Variants in NLRP13 observed in about 807,000 individuals in gnomAD.
NLRP13 encodes NLR family pyrin domain containing 13.
In NLRP13, 82 loss-of-function variants were observed where a neutral mutation model predicts 94.4. The observed-to-expected ratio is 0.87, with a 90% CI of 0.73 to 1.04. NLRP13 has a LOEUF of 1.04. NLRP13 is among the 50% of genes least tolerant of loss of function. The pLI is 0.00. For missense variants in NLRP13, 1,426 were observed against 1,230.8 expected (o/e 1.16, Z -2.37); for synonymous variants, 553 against 464.7 (o/e 1.19, Z -2.45).
At chr19:55,905,822 G>A (rs779530762) in intron 7 of NLRP13, among the ~76,000 whole-genome samples, 1 of 152,094 alleles carries the variant, frequency 6.6e-6, no homozygotes, top group African/African-American at 2.4e-5. Context: ...TACACCATCA[G>A]GACAACCAAA....
chr19:55,921,837 A>C (rs160104), intron 4 of NLRP13, among the ~76,000 whole-genome samples: 109,012 of 152,080 alleles, frequency 0.72, 39,525 homozygotes, highest in African/African-American at 0.81. Flanking sequence ...GAAATACTGG[A>C]AGCCACCAGA....
chr19:55,906,565 G>A (rs181150254), intron 7 of NLRP13, among the ~76,000 whole-genome samples: 2 of 152,130 alleles, frequency 1.3e-5, no homozygotes, highest in Admixed American at 1.3e-4. Context: ...TTGGTAGCGT[G>A]GAGGACTCCC....
At chr19:55,918,738 A>G (rs977165243) in intron 4 of NLRP13, among the ~76,000 whole-genome samples, 1 of 152,098 alleles carries the variant, frequency 6.6e-6, no homozygotes, top group African/African-American at 2.4e-5. Context: ...TAAAAAATTA[A>G]TAACAAAAAA....
intron 9 of NLRP13, among the ~76,000 whole-genome samples, chr19:55,901,747 G>A (rs1986182214): frequency 6.6e-6 from 1 of 152,126 alleles, no homozygotes; most frequent in African/African-American, 2.4e-5. Flanking sequence ...TCTGCCTTGT[G>A]TCCTTTCACC....
At chr19:55,930,912 A>G (rs1254506288) in intron 1 of NLRP13, among the ~76,000 whole-genome samples, 1 of 127,266 alleles carries the variant, frequency 7.9e-6, no homozygotes, top group Non-Finnish European at 1.7e-5. Flanking sequence ...TTTTAACCAG[A>G]AGCTTAAACA....
Position 55,923,987 on chromosome 19 carries a change from A to C in NLRP13, c.458-8T>G. On this transcript the variant is annotated splice_polypyrimidine_tract_variant and splice_region_variant and intron_variant, in intron 3 of 10. Transcript: ENST00000342929. ...CCTGGGCCTGTACATTCCCTGAAAT[A>C]AACAGTGATGATGAGATATGAAAAT... The C allele has an allele frequency of 6.2e-7, 1 of 1,611,498 alleles. No homozygotes were observed. The highest frequency in any genetic ancestry group is 8.5e-7 in the Non-Finnish European group (1 of 1,177,710).
chr19:55,930,901 A>ATTTTTT (rs55976723), intron 1 of NLRP13, among the ~76,000 whole-genome samples: 1,709 of 98,266 alleles, frequency 0.017, 107 homozygotes, highest in African/African-American at 0.084. Flanking sequence ...TATATATAAA[A>ATTTTTT]TTTTAACCAG....
At chr19:55,913,831 C>CA (rs1278932167) in intron 4 of NLRP13, among the ~76,000 whole-genome samples, 1 of 151,948 alleles carries the variant, frequency 6.6e-6, no homozygotes, top group East Asian at 1.9e-4. Flanking sequence ...TGAGTGTGCC[C>CA]ACTCCATTGC....
In NLRP13 at chr19:55,911,753, C is replaced by G. The variant is rs760913216; in HGVS notation, c.2064G>C (p.Arg688Ser). The change falls in exon 5 of 11, where the codon AGG becomes AGC. Residue 688 changes from arginine to serine, a missense_variant. Physicochemically the swap from Arg to Ser is moderately radical, Grantham distance 110. Transcript: ENST00000342929. ...CAAGGATGTGACTGCTAACAGAAAG[C>G]CTTAGCTTATTTAACCTTTTACAGT... ...LKHCKRLNKL[R>S]LSVSSHILER... 1.7e-5 allele frequency: 28 copies of G among 1,613,350 alleles called. No homozygotes were observed. The South Asian group carries it at 2.1e-4, about 12-fold the overall frequency.
chr19:55,910,589 AT>A lies in NLRP13; in HGVS notation c.2255del (p.Asn752IlefsTer9). 1 of 1,606,740 alleles carries A rather than the reference AT, an allele frequency of 6.2e-7. No individual in the cohort carries two copies. Among genetic ancestry groups the A allele is most frequent in the Non-Finnish European group, 8.5e-7 (1 of 1,174,714 alleles). On this transcript the variant is annotated frameshift_variant, in exon 6 of 11. Coordinates refer to ENST00000342929, the MANE Select transcript of NLRP13 (RefSeq NM_176810.2). LOFTEE classifies it high-confidence loss of function. ...SVKGLCLALKNPRCKVQKLTC... is the reference protein window; with the variant it reads ...SVKGLCLALKXPRCKVQKLTC... ...TCAGTTTCTGGACTTTGCATCTTGG[AT>A]TTTTCAGTGCAAGACAGAGACCCTT...
chr19:55,931,541 T>C lies in NLRP13; in HGVS notation c.319+452A>G, dbSNP rs1315232006. Among the ~76,000 whole-genome samples, 4 of 151,308 alleles carry C rather than the reference T, an allele frequency of 2.6e-5. No homozygotes were observed. The South Asian group carries it at 8.4e-4, about 32-fold the overall frequency. Reference sequence around the variant, plus strand: ...GGCTAACACAGTGAAACCCCGTCTCTACTAAAAATACAAAAAAATTAGCCG... The same window carrying C: ...GGCTAACACAGTGAAACCCCGTCTCCACTAAAAATACAAAAAAATTAGCCG... On this transcript the variant is annotated intron_variant, in intron 1 of 10. Transcript: ENST00000342929.
rs576218512 is a variant in NLRP13, at chr19:55,925,389, C to T, written c.320-354G>A. The stretch of plus-strand genomic sequence containing the variant: ...TACCACCTATATCTTTAATAACATA[C>T]CTTAGCCTCTCCCCATCTGCCTTAT... On this transcript the variant is annotated intron_variant, in intron 1 of 10. Transcript: ENST00000342929. 4.6e-5 allele frequency among the ~76,000 whole-genome samples: 7 copies of T among 152,296 alleles called. No homozygotes were observed. In the South Asian group the frequency reaches 1.4e-3, roughly 32 times the overall value.
rs1345216603 is a variant in NLRP13, at chr19:55,910,128, CAG to C, written c.2282+433_2282+434del. On this transcript the variant is annotated intron_variant, in intron 6 of 10. Coordinates refer to ENST00000342929, the MANE Select transcript of NLRP13 (RefSeq NM_176810.2). ...ACTGCTAGAACCTCAGAACTGAGAA[CAG>C]AACCTGGCACACAGGAGATGTCCAA... 2.6e-5 allele frequency among the ~76,000 whole-genome samples: 4 copies of C among 152,204 alleles called. No individual in the cohort carries two copies. The East Asian group carries it at 7.7e-4, about 29-fold the overall frequency.
rs1986447519 is a variant in NLRP13, at chr19:55,909,573, C to A, written c.2282+990G>T. ...AAAAAAGTCCTAATTTATAGCTTTGCCAATTTCTGTGGTGTAAATTCTCCA... is the reference window on the plus strand; with the variant it reads ...AAAAAAGTCCTAATTTATAGCTTTGACAATTTCTGTGGTGTAAATTCTCCA... On this transcript the variant is annotated intron_variant, in intron 6 of 10. Transcript: ENST00000342929. Among the ~76,000 whole-genome samples the A allele has an allele frequency of 4.6e-5, 7 of 151,822 alleles. No homozygotes were observed. The South Asian group carries it at 1.2e-3, about 27-fold the overall frequency.
Position 55,913,217 on chromosome 19 carries a change from G to C in NLRP13, c.600C>G (p.Asp200Glu), listed in dbSNP as rs1986582489. Residue 200 changes from aspartate (D) to glutamate (E), a missense_variant, in exon 5 of 11, where the codon GAC (aspartate) becomes GAG (glutamate). Coordinates refer to ENST00000342929, the MANE Select transcript of NLRP13 (RefSeq NM_176810.2). ...ETWDNISWPK[D>E]HVYIRNTSKD... is the part of the protein sequence containing the mutation. ...TTGATGTATTACGGATATATACGTG[G>C]TCTTTAGGCCAACTGATGTTGTCCC... 1 of 1,613,974 alleles carries C rather than the reference G, an allele frequency of 6.2e-7. No individual in the cohort carries two copies. Among genetic ancestry groups the C allele is most frequent in the Non-Finnish European group, 8.5e-7 (1 of 1,180,010 alleles).
intron 7 of NLRP13, among the ~76,000 whole-genome samples, chr19:55,905,433 A>T (rs1255899722): frequency 6.6e-6 from 1 of 150,480 alleles, no homozygotes; most frequent in Non-Finnish European, 1.5e-5. Context: ...ATATACACAC[A>T]CATATATATG....
intron 4 of NLRP13, among the ~76,000 whole-genome samples, chr19:55,921,639 A>G (rs926584589): frequency 6.6e-6 from 1 of 152,216 alleles, no homozygotes; most frequent in African/African-American, 2.4e-5. Flanking sequence ...ATCCCAGAAA[A>G]AGAGATTAAG....
rs1030718250 is a variant in NLRP13 at position 55,910,581 on chromosome 19, C to A, written c.2264G>T (p.Cys755Phe). The A allele has an allele frequency of 3.1e-6, 5 of 1,604,258 alleles. No individual in the cohort carries two copies. The highest frequency in any genetic ancestry group is 4.3e-6 in the Non-Finnish European group (5 of 1,172,770). ...CACTTACGTCAGTTTCTGGACTTTGCATCTTGGATTTTTCAGTGCAAGACA... is the reference window on the plus strand; with the variant it reads ...CACTTACGTCAGTTTCTGGACTTTGAATCTTGGATTTTTCAGTGCAAGACA... ...GLCLALKNPR[C>F]KVQKLTCKSV... The change falls in exon 6 of 11, where the codon TGC (cysteine) becomes TTC (phenylalanine). Residue 755 changes from cysteine (C) to phenylalanine (F), a missense_variant. Transcript: ENST00000342929.
At chr19:55,919,976 A>T (rs1986774312) in intron 4 of NLRP13, among the ~76,000 whole-genome samples, 1 of 152,202 alleles carries the variant, frequency 6.6e-6, no homozygotes. Flanking sequence ...ACTAGTACAA[A>T]AATAAACATA....
Sources: allele counts gnomAD v4.1 joint callset (sites outside exome capture counted in the v4.1 genomes callset), GRCh38; gene constraint gnomAD v4.1.1; transcripts MANE v1.5; gene names NCBI Gene and HGNC (gene_info 2026-07-23, HGNC 2026-07-21).